Variants in ABLIM3 observed in about 807,000 individuals in gnomAD.
The protein encoded by ABLIM3 is actin-binding LIM protein 3.
Under a neutral mutation model 109.5 loss-of-function variants are expected in ABLIM3, and 61 were observed. The observed-to-expected ratio is 0.56, with a 90% CI of 0.45 to 0.69. ABLIM3 has a LOEUF of 0.69. Among genes scored for constraint, ABLIM3 ranks in the 30% least tolerant of loss-of-function variants. The probability of loss-of-function intolerance (pLI) is 0.00; values close to 1 mark genes in which losing one functional copy is unlikely to be tolerated. For missense variants in ABLIM3, 796 were observed against 889.5 expected, an observed-to-expected ratio of 0.89 and a Z score of 1.34; for synonymous variants, 300 against 324.8, an observed-to-expected ratio of 0.92 and a Z score of 0.82.
chr5:149,260,538 C>T lies in ABLIM3; in HGVS notation c.*2134C>T, dbSNP rs1447874699. 1 of 152,586 alleles carries T rather than the reference C, an allele frequency of 6.6e-6. No individual in the cohort carries two copies. Among genetic ancestry groups the T allele is most frequent in the African/African-American group, 2.4e-5 (1 of 41,434 alleles). 9.5% of individuals were successfully genotyped at this position (152,586 alleles called of 1,614,324 possible). A position where few individuals can be genotyped will look rare whatever the true frequency, so the allele number is the denominator to read the frequency against. On this transcript the variant is annotated 3_prime_UTR_variant, in exon 24 of 24. Coordinates refer to ENST00000309868, the MANE Select transcript of ABLIM3 (RefSeq NM_014945.5). ...TTTCAAAATGAAAGCACCAAAACAG[C>T]AGCCACTCCTTTGGCCTCAGTTTCT...
At chr5:149,242,651 T>G (rs1752969446) in intron 15 of ABLIM3, 113 bp downstream of exon 15, 1 of 1,134,324 alleles carries the variant, frequency 8.8e-7, no homozygotes, top group Admixed American at 1.7e-5. Context: ...AGGCTGCATC[T>G]TGGTCCTTCT....
intron 2 of ABLIM3, among the ~76,000 whole-genome samples, chr5:149,150,035 C>G (rs1426921202): frequency 6.6e-6 from 1 of 152,196 alleles, no homozygotes; most frequent in Non-Finnish European, 1.5e-5. Flanking sequence ...CTCCTCTTCT[C>G]TCTCCCTCAG....
At chr5:149,160,738 C>CT (rs1754280211) in intron 2 of ABLIM3, among the ~76,000 whole-genome samples, 1 of 152,172 alleles carries the variant, frequency 6.6e-6, no homozygotes, top group African/African-American at 2.4e-5. Context: ...GACAGAGACA[C>CT]TTTCTAGTTA....
Position 149,249,810 on chromosome 5 carries a change from T to C in ABLIM3, c.1700-5T>C, listed in dbSNP as rs1295537691. 3 of 1,614,168 alleles carry C rather than the reference T, an allele frequency of 1.9e-6. No individual in the cohort carries two copies. The Admixed American group carries it at 5.0e-5, about 27-fold the overall frequency. ...GCAATGACCTTCAGCTTTTCTCTCCTGCAGCCCCTCGGTCGCACTACCTGG... is the reference window on the plus strand; with the variant it reads ...GCAATGACCTTCAGCTTTTCTCTCCCGCAGCCCCTCGGTCGCACTACCTGG... On this transcript the variant is annotated splice_region_variant and splice_polypyrimidine_tract_variant and intron_variant, in intron 18 of 23. Transcript: ENST00000309868.
Sources: allele counts gnomAD v4.1 joint callset (sites outside exome capture counted in the v4.1 genomes callset), GRCh38; gene constraint gnomAD v4.1.1; transcripts MANE v1.5; gene names NCBI Gene and HGNC (gene_info 2026-07-23, HGNC 2026-07-21).